Variants in LCTL observed in about 807,000 individuals in gnomAD.
LCTL encodes the protein lactase like.
In LCTL, 76 loss-of-function variants were observed where a neutral mutation model predicts 75.8. The ratio of observed to expected loss-of-function variants is 1.00; its 90% CI spans 0.83 to 1.21. LCTL has a LOEUF of 1.21. LCTL is among the 50% of genes most tolerant of loss of function. LCTL has a pLI of 0.00. For missense variants in LCTL, 670 were observed against 712.4 expected, an observed-to-expected ratio of 0.94 and a Z score of 0.68; for synonymous variants, 271 against 268.8, an observed-to-expected ratio of 1.01 and a Z score of -0.08.
rs147933826 is a variant in LCTL, at chr15:66,551,077, G to A, written c.1524+585C>T. ...AAGACACAAGATTTGGGCCAGGCGC[G>A]GTGGCTCACGCCTGTAATCCCAGCA... On this transcript the variant is annotated intron_variant, in intron 11 of 12. Coordinates refer to ENST00000341509, the Ensembl canonical transcript of LCTL. 5.0e-4 allele frequency among the ~76,000 whole-genome samples: 76 copies of A among 151,950 alleles called. No individual in the cohort carries two copies. In the East Asian group the frequency reaches 0.012, roughly 24 times the overall value.
intron 6 of LCTL, 22 bp from the exon 8 acceptor site, chr15:66,558,058 A>C (rs773849456): frequency 1.3e-6 from 2 of 1,590,250 alleles, no homozygotes; most frequent in Non-Finnish European, 8.6e-7. Flanking sequence ...GCAGAAATTC[A>C]TCGTAGGTAC....
intron 4 of LCTL, 30 bp from the exon 6 acceptor site, chr15:66,561,345 G>C (rs76485286): frequency 1.2e-6 from 2 of 1,613,982 alleles, no homozygotes; most frequent in Admixed American, 1.7e-5. Context: ...GATGCCCCAT[G>C]AATGAACCGC....
chr15:66,558,036 C>T (rs1895785725), exon 7 of LCTL: 1 of 1,601,624 alleles, frequency 6.2e-7, no homozygotes, highest in Non-Finnish European at 8.5e-7. Context: ...TTGGCGTGGG[C>T]CTGAAAGGGG....
chr15:66,564,573 C>T, intron 2 of LCTL, 103 bp downstream of exon 3: 2 of 1,326,696 alleles, frequency 1.5e-6, no homozygotes, highest in Non-Finnish European at 2.1e-6. Flanking sequence ...ATGACATTGT[C>T]ATCAGAGCTC....
At chr15:66,561,525 A>C (rs1318384853) in intron 4 of LCTL, among the ~76,000 whole-genome samples, 1 of 152,196 alleles carries the variant, frequency 6.6e-6, no homozygotes, top group African/African-American at 2.4e-5. Flanking sequence ...TCTTAGATCT[A>C]AGTTCTGGAG....
intron 1 of LCTL, 61 bp from the exon 3 acceptor site, chr15:66,564,900 T>G (rs1260733959): frequency 6.5e-7 from 1 of 1,530,450 alleles, no homozygotes. Context: ...GAGCCAGGAC[T>G]CTGGGCTGTG....
At chr15:66,553,742 G>C (rs12905286) in intron 8 of LCTL, among the ~76,000 whole-genome samples, 1 of 142,286 alleles carries the variant, frequency 7.0e-6, no homozygotes, top group African/African-American at 2.6e-5. Context: ...GTGACAGAGC[G>C]AGACTCCATC....
chr15:66,550,540 G>A lies in LCTL; in HGVS notation c.1525-436C>T, dbSNP rs545478627. Among the ~76,000 whole-genome samples, 80 of 152,136 alleles carry A rather than the reference G, an allele frequency of 5.3e-4. 1 individual carries two copies. Among genetic ancestry groups the A allele is most frequent in the Non-Finnish European group, 1.0e-3 (69 of 67,996 alleles). Reference sequence around the variant, plus strand: ...CTGTTGCCCAGGCTGGAGTGCAGTGGAGCAATCATAGCTCACTGCAGCCTC... The same window carrying A: ...CTGTTGCCCAGGCTGGAGTGCAGTGAAGCAATCATAGCTCACTGCAGCCTC... On this transcript the variant is annotated intron_variant, in intron 11 of 12. Coordinates refer to ENST00000341509, the Ensembl canonical transcript of LCTL.
intron 12 of LCTL, chr15:66,549,288 T>TAGTATTGCC (rs995327211): frequency 7.2e-4 from 110 of 152,320 alleles, no homozygotes; most frequent in African/African-American, 2.6e-3. Context: ...TATACATTCT[T>TAGTATTGCC]AGTATTGCCT....
chr15:66,561,343 A>G, intron 4 of LCTL, 28 bp from the exon 6 acceptor site: 2 of 1,614,070 alleles, frequency 1.2e-6, no homozygotes, highest in African/African-American at 1.3e-5. Flanking sequence ...CAGATGCCCC[A>G]TGAATGAACC....
chr15:66,565,536 C>G, upstream of LCTL: 1 of 570,870 alleles, frequency 1.8e-6, no homozygotes, highest in Admixed American at 3.6e-5. Context: ...ATGTCTGATG[C>G]TGTTTCCGTG....
chr15:66,562,186 T>C (rs1200723842), intron 4 of LCTL, among the ~76,000 whole-genome samples: 4 of 152,132 alleles, frequency 2.6e-5, no homozygotes, highest in East Asian at 1.9e-4. Flanking sequence ...CTGGATCACC[T>C]GAAGACAGGA....
rs1267873438 is a variant in LCTL, at chr15:66,548,615, CAA to C, written c.1589-12_1589-11del. 7.0e-6 allele frequency: 10 copies of C among 1,420,382 alleles called. No individual in the cohort carries two copies. Among genetic ancestry groups the C allele is most frequent in the Admixed American group, 1.7e-5 (1 of 59,642 alleles). 88.0% of individuals were successfully genotyped at this position (1,420,382 alleles called of 1,614,324 possible). A position where few individuals can be genotyped will look rare whatever the true frequency, so the allele number is the denominator to read the frequency against. The stretch of plus-strand genomic sequence containing the variant: ...TGACTTAGCAAGGGCTCTGAAATGA[CAA>C]AGAGAACGAGCACCACAAATGAGAA... On this transcript the variant is annotated splice_polypyrimidine_tract_variant and intron_variant, in intron 12 of 12. Coordinates refer to ENST00000341509, the Ensembl canonical transcript of LCTL.
chr15:66,553,815 C>T (rs1895677926), intron 8 of LCTL, among the ~76,000 whole-genome samples: 2 of 151,332 alleles, frequency 1.3e-5, no homozygotes, highest in Non-Finnish European at 2.9e-5. Flanking sequence ...GTGTAGCCAT[C>T]TGGAGAAAAA....
chr15:66,555,714 A>G (rs1474621208), intron 8 of LCTL, among the ~76,000 whole-genome samples: 1 of 152,220 alleles, frequency 6.6e-6, no homozygotes, highest in Non-Finnish European at 1.5e-5. Context: ...AAAATTTGGG[A>G]ATCAAGACAC....
chr15:66,551,977 G>A (rs1466098105), intron 10 of LCTL, 66 bp downstream of exon 11: 1 of 1,566,902 alleles, frequency 6.4e-7, no homozygotes, highest in Non-Finnish European at 8.7e-7. Flanking sequence ...TCAGTTGATT[G>A]TGTGTTAATC....
intron 6 of LCTL, among the ~76,000 whole-genome samples, chr15:66,558,329 A>G (rs1022426806): frequency 6.6e-6 from 1 of 152,218 alleles, no homozygotes; most frequent in African/African-American, 2.4e-5. Flanking sequence ...AGTAGCAACT[A>G]GGCAGTACTT....
rs1315708281 is a variant in LCTL, at chr15:66,564,946, G to A, written c.119-107C>T. On this transcript the variant is annotated intron_variant, in intron 1 of 12. Transcript: ENST00000341509. ...CTCAGGGACTGCCCCTCCCTACCACGCTGCCCCTGTCCCACTGGGGACTTG... is the reference window on the plus strand; with the variant it reads ...CTCAGGGACTGCCCCTCCCTACCACACTGCCCCTGTCCCACTGGGGACTTG... 9.5e-6 allele frequency: 10 copies of A among 1,053,738 alleles called. No individual in the cohort carries two copies. In the East Asian group the frequency reaches 1.5e-4, roughly 15 times the overall value. The allele number at this position is 1,053,738 out of a possible 1,614,324, so 65.3% of individuals were successfully genotyped here. A position where few individuals can be genotyped will look rare whatever the true frequency, so the allele number is the denominator to read the frequency against.
rs143150424 is a variant in LCTL at position 66,548,603 on chromosome 15, G to T, written c.1591C>A (p.Pro531Thr). 2.7e-5 allele frequency: 41 copies of T among 1,541,474 alleles called. No individual in the cohort carries two copies. In the South Asian group the frequency reaches 4.3e-4, roughly 16 times the overall value. The change falls in exon 13 of 13, where the codon CCC becomes ACC. Residue 531 changes from proline to threonine, a missense_variant and splice_region_variant. Transcript: ENST00000341509. ...ACCATTTGCATGTGACTTAGCAAGG[G>T]CTCTGAAATGACAAAGAGAACGAGC...
Sources: gnomAD v4.1 joint callset for allele counts (sites outside exome capture counted in the v4.1 genomes callset) on GRCh38, gnomAD v4.1.1 for gene constraint, MANE v1.5 for transcripts, NCBI Gene and HGNC (gene_info 2026-07-23, HGNC 2026-07-21) for gene names.